Variants in ARHGEF26 observed in about 807,000 individuals in gnomAD.
ARHGEF26 encodes Rho guanine nucleotide exchange factor 26.
ARHGEF26 carries 59 observed loss-of-function variants against 89.4 expected under a neutral mutation model. The ratio of observed to expected loss-of-function variants is 0.66; its 90% CI spans 0.54 to 0.82. ARHGEF26 has a LOEUF of 0.82. Among genes scored for constraint, ARHGEF26 ranks in the 40% least tolerant of loss-of-function variants. The probability of loss-of-function intolerance (pLI) is 0.00; values close to 1 mark genes in which losing one functional copy is unlikely to be tolerated. For synonymous variants in ARHGEF26, 500 were observed against 428.4 expected, an observed-to-expected ratio of 1.17 and a Z score of -2.06; for missense variants, 1,234 against 1,085.6, an observed-to-expected ratio of 1.14 and a Z score of -1.92.
intron 9 of ARHGEF26, among the ~76,000 whole-genome samples, chr3:154,211,857 G>A (rs999804730): frequency 2.6e-5 from 2 of 78,288 alleles, no homozygotes; most frequent in Admixed American, 1.7e-4. Flanking sequence ...ATGTGTGTGT[G>A]TATATATATA....
intron 12 of ARHGEF26, among the ~76,000 whole-genome samples, chr3:154,250,135 A>G (rs1237432989): frequency 3.3e-5 from 5 of 152,076 alleles, no homozygotes; most frequent in African/African-American, 9.7e-5. Flanking sequence ...GGTTGAAGCA[A>G]TTCTCTGCCT....
chr3:154,243,633 A>G (rs1717607916), intron 12 of ARHGEF26, among the ~76,000 whole-genome samples: 2 of 151,992 alleles, frequency 1.3e-5, no homozygotes, highest in Non-Finnish European at 2.9e-5. Context: ...CATAGGTCTG[A>G]CTCATATTTG....
intron 11 of ARHGEF26, among the ~76,000 whole-genome samples, chr3:154,229,780 C>T (rs1576806541): frequency 6.6e-6 from 1 of 152,232 alleles, no homozygotes; most frequent in Middle Eastern, 3.4e-3. Flanking sequence ...ACTATACTAG[C>T]ATGGTAGTAA....
chr3:154,130,147 A>ATTTTTTTTTTTTTTTTTTTTTTTTTTTT (rs55816788), intron 4 of ARHGEF26, among the ~76,000 whole-genome samples: 2 of 105,970 alleles, frequency 1.9e-5, no homozygotes, highest in Non-Finnish European at 3.5e-5. Context: ...TTCCTTGGAA[A>ATTTTTTTTTTTTTTTTTTTTTTTTTTTT]TTTTTTTTTT....
intron 11 of ARHGEF26, among the ~76,000 whole-genome samples, chr3:154,234,602 A>AT (rs1293268789): frequency 2.0e-5 from 3 of 152,174 alleles, no homozygotes; most frequent in South Asian, 4.1e-4. Context: ...TAACCCATTA[A>AT]TTTTTTTAGA....
intron 2 of ARHGEF26, among the ~76,000 whole-genome samples, chr3:154,123,380 T>TA (rs1214169385): frequency 6.6e-6 from 1 of 152,150 alleles, no homozygotes; most frequent in Non-Finnish European, 1.5e-5. Flanking sequence ...TTACCACTTT[T>TA]AAAAGAGATA....
In ARHGEF26 at chr3:154,122,166, G is replaced by C. The variant is rs778920402; in HGVS notation, c.174G>C (p.Thr58=). ...ATTTCCCGGTGGAGGACGGAGGGAC[G>C]CTCCTCGCAGCGCAGATTCCCGCCC... ...ITDFPVEDGG[T]LLAAQIPAQV... Residue 58 remains threonine, a synonymous_variant, in exon 2 of 15, where the codon ACG becomes ACC. Coordinates refer to ENST00000465093, the MANE Select transcript of ARHGEF26 (RefSeq NM_015595.4). 5.0e-6 allele frequency: 8 copies of C among 1,598,348 alleles called. No individual in the cohort carries two copies. Among genetic ancestry groups the C allele is most frequent in the Non-Finnish European group, 6.8e-6 (8 of 1,172,662 alleles).
rs1713953511 is a variant in ARHGEF26 at position 154,191,437 on chromosome 3, T to A, written c.1770+19T>A. ...GATGGATGTAAGACATGACGGTGGCTTTTTCCTCTGTGGATAGCTGTGCTT... is the reference window on the plus strand; with the variant it reads ...GATGGATGTAAGACATGACGGTGGCATTTTCCTCTGTGGATAGCTGTGCTT... On this transcript the variant is annotated intron_variant, in intron 8 of 14. Transcript: ENST00000465093. 3 of 1,608,864 alleles carry A rather than the reference T, an allele frequency of 1.9e-6. No homozygotes were observed. The highest frequency in any genetic ancestry group is 2.5e-6 in the Non-Finnish European group (3 of 1,178,280).
chr3:154,204,397 T>C (rs1272885960), intron 9 of ARHGEF26, among the ~76,000 whole-genome samples: 1 of 143,170 alleles, frequency 7.0e-6, no homozygotes. Context: ...TGCAGTGGCA[T>C]GATCTTGGTT....
At chr3:154,124,512 A>G in intron 3 of ARHGEF26, 63 bp downstream of exon 3, 2 of 1,392,854 alleles carry the variant, frequency 1.4e-6, no homozygotes, top group Middle Eastern at 1.8e-4. Context: ...TTATAAGTTG[A>G]AATCCAACTG....
intron 6 of ARHGEF26, among the ~76,000 whole-genome samples, chr3:154,170,019 A>T (rs1559875074): frequency 6.6e-6 from 1 of 152,110 alleles, no homozygotes; most frequent in Non-Finnish European, 1.5e-5. Context: ...ATTTCTTTTC[A>T]TTCTACCCTA....
chr3:154,164,118 CTT>C (rs1429438389), intron 6 of ARHGEF26, among the ~76,000 whole-genome samples: 1 of 151,892 alleles, frequency 6.6e-6, no homozygotes, highest in Admixed American at 6.6e-5. Context: ...TTTTGCAAGT[CTT>C]TTTTTAGGAC....
At chr3:154,171,811 G>A (rs1014934703) in intron 6 of ARHGEF26, among the ~76,000 whole-genome samples, 13 of 152,120 alleles carry the variant, frequency 8.5e-5, no homozygotes, top group African/African-American at 2.9e-4. Flanking sequence ...AGATAGAGAA[G>A]TTAAAGCTGA....
At chr3:154,187,114 T>C (rs1713614218) in intron 6 of ARHGEF26, 1 of 352,178 alleles carries the variant, frequency 2.8e-6, no homozygotes, top group South Asian at 1.1e-4. Context: ...ATGGTCTCGA[T>C]CCCTTCAACT....
intron 12 of ARHGEF26, among the ~76,000 whole-genome samples, chr3:154,247,854 A>G (rs1291047644): frequency 6.6e-6 from 1 of 152,246 alleles, no homozygotes; most frequent in African/African-American, 2.4e-5. Flanking sequence ...GGTATCGTCA[A>G]TGAGACAATA....
intron 4 of ARHGEF26, among the ~76,000 whole-genome samples, chr3:154,147,262 A>T (rs1027578166): frequency 6.6e-6 from 1 of 152,168 alleles, no homozygotes; most frequent in Non-Finnish European, 1.5e-5. Flanking sequence ...AATATTAGCC[A>T]GGCACTGTGG....
chr3:154,253,502 T>C (rs1204310951), intron 13 of ARHGEF26, among the ~76,000 whole-genome samples: 4 of 152,252 alleles, frequency 2.6e-5, no homozygotes, highest in African/African-American at 9.6e-5. Context: ...AAATAATCTA[T>C]GTTAAAAGCC....
At chr3:154,152,712 G>T in intron 5 of ARHGEF26, 60 bp from the exon 6 acceptor site, 1 of 1,248,110 alleles carries the variant, frequency 8.0e-7, no homozygotes, top group Non-Finnish European at 1.1e-6. Flanking sequence ...AATTATGAGA[G>T]CTATATTTAG....
chr3:154,173,838 A>G (rs561463444), intron 6 of ARHGEF26, among the ~76,000 whole-genome samples: 1 of 152,324 alleles, frequency 6.6e-6, no homozygotes, highest in East Asian at 1.9e-4. Flanking sequence ...CTAAAAACTC[A>G]GTTTGTTTCT....
Sources: gnomAD v4.1 joint callset for allele counts (sites outside exome capture counted in the v4.1 genomes callset) on GRCh38, gnomAD v4.1.1 for gene constraint, MANE v1.5 for transcripts, NCBI Gene and HGNC (gene_info 2026-07-23, HGNC 2026-07-21) for gene names.